Variants in SAXO5 observed in about 807,000 individuals in gnomAD.
SAXO5 encodes stabilizer of axonemal microtubules 5, also known as testis expressed 45.
At chr19:7,506,282 C>G in the SAXO5 span, 26 of 904,230 alleles carry the variant, frequency 2.9e-5, no homozygotes, top group South Asian at 3.6e-4. Flanking sequence ...GGAGCCCCGT[C>G]CCGGGAAGCC....
the SAXO5 span, among the ~76,000 whole-genome samples, chr19:7,498,195 A>ACG: frequency 6.7e-6 from 1 of 150,324 alleles, no homozygotes; most frequent in African/African-American, 2.4e-5. Context: ...ACACACACAC[A>ACG]CACACCCTTC....
the SAXO5 span, chr19:7,506,165 G>T: frequency 1.6e-5 from 26 of 1,601,370 alleles, no homozygotes; most frequent in Admixed American, 6.8e-5. Context: ...GGGCACGGGC[G>T]GTGAGCGCTC....
the SAXO5 span, chr19:7,508,147 C>A: frequency 6.9e-7 from 1 of 1,438,924 alleles, no homozygotes; most frequent in Non-Finnish European, 9.7e-7. Context: ...CTGGGGTGGA[C>A]AGGGTGGATC....
chr19:7,500,315 G>A, the SAXO5 span, among the ~76,000 whole-genome samples: 1 of 151,484 alleles, frequency 6.6e-6, no homozygotes, highest in South Asian at 2.1e-4. Context: ...TTTTTTTTAT[G>A]TTTTGAGACG....
the SAXO5 span, chr19:7,506,366 C>A: frequency 4.7e-6 from 3 of 635,814 alleles, no homozygotes; most frequent in East Asian, 5.9e-5. Context: ...CCGGCTTCAT[C>A]CCCTGAAAGG....
the SAXO5 span, among the ~76,000 whole-genome samples, chr19:7,500,446 C>G: frequency 6.6e-6 from 1 of 151,296 alleles, no homozygotes. Context: ...GGACTACGGG[C>G]GCCCACCACC....
chr19:7,505,318 G>T, the SAXO5 span: 1 of 1,612,850 alleles, frequency 6.2e-7, no homozygotes, highest in Non-Finnish European at 8.5e-7. Flanking sequence ...AATACACTAC[G>T]TACAGGTATG....
At chr19:7,506,822 C>T in the SAXO5 span, 4 of 527,966 alleles carry the variant, frequency 7.6e-6, no homozygotes, top group Non-Finnish European at 1.4e-5. Flanking sequence ...CCCTCTTCCC[C>T]AGCGCCTACC....
At chr19:7,505,298 T>C in the SAXO5 span, 1 of 1,607,470 alleles carries the variant, frequency 6.2e-7, no homozygotes. Flanking sequence ...TACCTTATTC[T>C]TGATGGAATA....
chr19:7,507,041 A>G, the SAXO5 span: 1 of 1,611,770 alleles, frequency 6.2e-7, no homozygotes, highest in Admixed American at 1.7e-5. Context: ...CAGCCTCCCC[A>G]ACCTGAATCT....
At chr19:7,507,043 C>G in the SAXO5 span, 2 of 1,612,556 alleles carry the variant, frequency 1.2e-6, no homozygotes, top group Non-Finnish European at 1.7e-6. Flanking sequence ...GCCTCCCCAA[C>G]CTGAATCTCC....
At chr19:7,506,569 C>T in the SAXO5 span, 1 of 362,560 alleles carries the variant, frequency 2.8e-6, no homozygotes, top group Non-Finnish European at 5.2e-6. Flanking sequence ...CGCTAGCCTG[C>T]CCTGCCTGGC....
At chr19:7,505,295 T>G in the SAXO5 span, 1 of 1,608,180 alleles carries the variant, frequency 6.2e-7, no homozygotes, top group Middle Eastern at 1.7e-4. Flanking sequence ...CTTTACCTTA[T>G]TCTTGATGGA....
At chr19:7,501,955 C>T in the SAXO5 span, among the ~76,000 whole-genome samples, 31 of 149,182 alleles carry the variant, frequency 2.1e-4, no homozygotes, top group African/African-American at 6.7e-4. Context: ...TGGGGGGTGG[C>T]GAGGCCACCC....
At chr19:7,505,655 G>A in the SAXO5 span, 8 of 1,597,980 alleles carry the variant, frequency 5.0e-6, no homozygotes, top group Non-Finnish European at 6.9e-6. Flanking sequence ...AAGGCGGCAG[G>A]GAAAAGGGCT....
At chr19:7,501,463 G>C in the SAXO5 span, 1 of 1,389,716 alleles carries the variant, frequency 7.2e-7, no homozygotes, top group African/African-American at 1.5e-5. Flanking sequence ...ACAGGGGCAA[G>C]GGCTCTTCAT....
At chr19:7,505,876 A>C in the SAXO5 span, 1 of 1,321,876 alleles carries the variant, frequency 7.6e-7, no homozygotes, top group South Asian at 1.4e-5. Context: ...GAGCTGTCCA[A>C]GGTCACACAG....
At chr19:7,502,967 T>C in the SAXO5 span, among the ~76,000 whole-genome samples, 2 of 152,160 alleles carry the variant, frequency 1.3e-5, no homozygotes, top group Admixed American at 6.6e-5. Flanking sequence ...AAACCCTGAT[T>C]TGACATTTAG....
the SAXO5 span, chr19:7,504,260 C>T: frequency 6.2e-7 from 1 of 1,612,496 alleles, no homozygotes; most frequent in Non-Finnish European, 8.5e-7. Context: ...CAGGCGGGGG[C>T]AGAATTGGGG....
Sources: gnomAD v4.1 joint callset for allele counts (sites outside exome capture counted in the v4.1 genomes callset) on GRCh38, gnomAD v4.1.1 for gene constraint, MANE v1.5 for transcripts, NCBI Gene and HGNC (gene_info 2026-07-23, HGNC 2026-07-21) for gene names.